Variants in FER1L6 observed in about 807,000 individuals in gnomAD.
FER1L6 encodes fer-1-like protein 6.
In FER1L6, 177 loss-of-function variants were observed where a neutral mutation model predicts 219.2. That is an observed-to-expected ratio of 0.81 (90% CI 0.71 to 0.91). The LOEUF (loss-of-function observed/expected upper bound fraction) is 0.91. Among genes scored for constraint, FER1L6 ranks in the 40% least tolerant of loss-of-function variants. The probability of loss-of-function intolerance (pLI) is 0.00; values close to 1 mark genes in which losing one functional copy is unlikely to be tolerated. For synonymous variants in FER1L6, 768 were observed against 824.3 expected (o/e 0.93, Z 1.17); for missense variants, 2,153 against 2,259.9 (o/e 0.95, Z 0.96).
At chr8:123,914,377 T>G (rs2129782947) in intron 1 of FER1L6, among the ~76,000 whole-genome samples, 1 of 152,328 alleles carries the variant, frequency 6.6e-6, no homozygotes, top group South Asian at 2.1e-4. Context: ...GAAAAAGACA[T>G]ATATATACGT....
intron 12 of FER1L6, among the ~76,000 whole-genome samples, chr8:123,995,635 G>A (rs1375525865): frequency 6.6e-6 from 1 of 151,602 alleles, no homozygotes; most frequent in Non-Finnish European, 1.5e-5. Flanking sequence ...TTGATCTTTT[G>A]TATTGTTTTT....
intron 1 of FER1L6, among the ~76,000 whole-genome samples, chr8:123,854,683 G>A (rs1816597470): frequency 6.6e-6 from 1 of 152,102 alleles, no homozygotes; most frequent in Non-Finnish European, 1.5e-5. Flanking sequence ...TTGGGGATGG[G>A]CTCTCAGCAG....
chr8:123,930,827 T>C (rs1345050905), intron 1 of FER1L6, among the ~76,000 whole-genome samples: 1 of 152,178 alleles, frequency 6.6e-6, no homozygotes. Context: ...GGTCTTGGTC[T>C]TTGTAGTTTG....
intron 1 of FER1L6, among the ~76,000 whole-genome samples, chr8:123,885,183 T>C (rs183273455): frequency 5.8e-4 from 88 of 152,322 alleles, no homozygotes; most frequent in Admixed American, 5.8e-3. Context: ...AGTTTTGGAC[T>C]TCCAGCATCC....
intron 12 of FER1L6, among the ~76,000 whole-genome samples, chr8:123,994,826 G>A (rs943875443): frequency 2.6e-5 from 4 of 152,240 alleles, no homozygotes; most frequent in Non-Finnish European, 5.9e-5. Context: ...AAGGTCCCCT[G>A]TGAGGTAGGA....
intron 21 of FER1L6, among the ~76,000 whole-genome samples, chr8:124,047,066 A>G (rs1002658459): frequency 6.6e-6 from 1 of 152,146 alleles, no homozygotes; most frequent in Non-Finnish European, 1.5e-5. Flanking sequence ...TACCTTTTCA[A>G]TTTTGTTCTT....
chr8:124,058,234 T>C (rs796536554), intron 22 of FER1L6, among the ~76,000 whole-genome samples: 6 of 152,260 alleles, frequency 3.9e-5, no homozygotes, highest in African/African-American at 1.4e-4. Context: ...GAGTGCCTCC[T>C]TAACTTTTGT....
chr8:124,080,484 A>AT (rs1316261187), intron 32 of FER1L6, among the ~76,000 whole-genome samples: 1 of 151,910 alleles, frequency 6.6e-6, no homozygotes, highest in East Asian at 1.9e-4. Context: ...CGCCGGGCTA[A>AT]TTTTTGTATT....
intron 1 of FER1L6, among the ~76,000 whole-genome samples, chr8:123,923,002 C>T (rs549763827): frequency 9.4e-4 from 143 of 152,250 alleles, no homozygotes; most frequent in Non-Finnish European, 1.9e-3. Flanking sequence ...TCTGTCTTGC[C>T]TTCTCTGCTC....
chr8:123,912,295 G>A (rs1813060092), intron 1 of FER1L6, among the ~76,000 whole-genome samples: 1 of 151,700 alleles, frequency 6.6e-6, no homozygotes, highest in Non-Finnish European at 1.5e-5. Context: ...AAAAGAAGAA[G>A]AAAGCCTACT....
intron 2 of FER1L6, among the ~76,000 whole-genome samples, chr8:123,961,305 C>T (rs1044433061): frequency 6.6e-6 from 1 of 151,810 alleles, no homozygotes; most frequent in African/African-American, 2.4e-5. Context: ...GGGCCCCACC[C>T]AGACCTACTC....
chr8:124,112,383 A>T (rs1254099454), intron 39 of FER1L6, among the ~76,000 whole-genome samples: 1 of 152,204 alleles, frequency 6.6e-6, no homozygotes, highest in Non-Finnish European at 1.5e-5. Context: ...TCCTCACAGT[A>T]AATGAAAAAC....
At chr8:124,113,118 ATAT>A (rs1438002508) in intron 39 of FER1L6, among the ~76,000 whole-genome samples, 2 of 152,228 alleles carry the variant, frequency 1.3e-5, no homozygotes, top group African/African-American at 2.4e-5. Flanking sequence ...TATACTAGCA[ATAT>A]TATTAACTCT....
intron 1 of FER1L6, among the ~76,000 whole-genome samples, chr8:123,903,000 G>A (rs1812886354): frequency 6.6e-6 from 1 of 152,054 alleles, no homozygotes; most frequent in African/African-American, 2.4e-5. Flanking sequence ...GTTTGGTAAT[G>A]GCAAATTCTC....
intron 12 of FER1L6, among the ~76,000 whole-genome samples, chr8:124,001,167 G>A (rs1817393772): frequency 6.6e-6 from 1 of 152,210 alleles, no homozygotes; most frequent in African/African-American, 2.4e-5. Flanking sequence ...GAGGTAGTGA[G>A]CTGCATATGG....
At chr8:123,884,774 C>T (rs890177733) in intron 1 of FER1L6, among the ~76,000 whole-genome samples, 2 of 152,182 alleles carry the variant, frequency 1.3e-5, no homozygotes, top group African/African-American at 4.8e-5. Flanking sequence ...CCCTGGCTGG[C>T]CTTGCCGTCC....
At chr8:123,994,223 G>A (rs954721244) in intron 12 of FER1L6, among the ~76,000 whole-genome samples, 5 of 152,146 alleles carry the variant, frequency 3.3e-5, no homozygotes, top group Admixed American at 6.5e-5. Flanking sequence ...GAACCACAGA[G>A]CTTCCAAATT....
At chr8:124,108,568 G>A (rs550968230) in intron 39 of FER1L6, among the ~76,000 whole-genome samples, 4 of 152,078 alleles carry the variant, frequency 2.6e-5, no homozygotes, top group African/African-American at 9.7e-5. Context: ...AATCCTTAGG[G>A]GTTACACTTT....
At chr8:123,962,142 G>A (rs1815317929) in intron 2 of FER1L6, among the ~76,000 whole-genome samples, 1 of 152,084 alleles carries the variant, frequency 6.6e-6, no homozygotes, top group Non-Finnish European at 1.5e-5. Flanking sequence ...GCCTGCCTCA[G>A]CCTTCCAAAG....
Sources: allele counts gnomAD v4.1 joint callset (sites outside exome capture counted in the v4.1 genomes callset), GRCh38; gene constraint gnomAD v4.1.1; transcripts MANE v1.5; gene names NCBI Gene and HGNC (gene_info 2026-07-23, HGNC 2026-07-21).